Variants in DAB1 observed in about 807,000 individuals in gnomAD.
DAB1 encodes the protein DAB adaptor protein 1.
A neutral mutation model predicts 64.6 loss-of-function variants in DAB1; 15 were observed. The observed-to-expected ratio is 0.23, with a 90% confidence interval of 0.16 to 0.36. The LOEUF (loss-of-function observed/expected upper bound fraction) is 0.36. DAB1 is among the 10% of genes least tolerant of loss of function. The probability of loss-of-function intolerance (pLI) is 1.00; values close to 1 mark genes in which losing one functional copy is unlikely to be tolerated. For synonymous variants in DAB1, 235 were observed against 251.9 expected, an observed-to-expected ratio of 0.93 and a Z score of 0.64; for missense variants, 596 against 706.7, an observed-to-expected ratio of 0.84 and a Z score of 1.78.
chr1:57,564,496 G>A (rs1378438214), intron 7 of DAB1, among the ~76,000 whole-genome samples: 1 of 152,170 alleles, frequency 6.6e-6, no homozygotes, highest in Admixed American at 6.5e-5. Context: ...AGCTAAAGGA[G>A]GAAGTCTGAA....
intron 7 of DAB1, among the ~76,000 whole-genome samples, chr1:57,460,109 G>C (rs1020002451): frequency 6.6e-6 from 1 of 152,166 alleles, no homozygotes; most frequent in South Asian, 2.1e-4. Context: ...AAAGGCTAGA[G>C]AGCACCATTA....
intron 4 of DAB1, among the ~76,000 whole-genome samples, chr1:58,283,131 C>T (rs1426951309): frequency 6.6e-6 from 1 of 151,750 alleles, no homozygotes; most frequent in Non-Finnish European, 1.5e-5. Context: ...TGGAGTCCTT[C>T]CCCACCCCCC....
intron 3 of DAB1, among the ~76,000 whole-genome samples, chr1:58,406,705 A>C (rs1644618042): frequency 1.2e-5 from 1 of 85,516 alleles, no homozygotes; most frequent in Non-Finnish European, 2.5e-5. Context: ...GAACGATAAT[A>C]TCATCCCCCC....
chr1:57,354,661 C>T (rs1678914728), intron 1 of DAB1, among the ~76,000 whole-genome samples: 1 of 152,038 alleles, frequency 6.6e-6, no homozygotes, highest in Non-Finnish European at 1.5e-5. Context: ...GATGGTGTTC[C>T]ACATGGGTCC....
chr1:58,098,970 GAGA>G (rs1162206925), intron 5 of DAB1, among the ~76,000 whole-genome samples: 2 of 152,218 alleles, frequency 1.3e-5, no homozygotes, highest in African/African-American at 4.8e-5. Context: ...GAGCCAGGTG[GAGA>G]AGAAGAGACA....
At chr1:58,276,531 A>G (rs1421618032) in intron 4 of DAB1, among the ~76,000 whole-genome samples, 1 of 152,148 alleles carries the variant, frequency 6.6e-6, no homozygotes, top group African/African-American at 2.4e-5. Flanking sequence ...TGTAAAGCAT[A>G]TGGGGGAGTA....
At chr1:57,692,839 A>G (rs965037938) in intron 6 of DAB1, among the ~76,000 whole-genome samples, 1 of 152,132 alleles carries the variant, frequency 6.6e-6, no homozygotes, top group Admixed American at 6.5e-5. Flanking sequence ...TTTTTACACT[A>G]ACCAGTCAGG....
At chr1:58,151,393 T>C (rs892899555) in intron 4 of DAB1, among the ~76,000 whole-genome samples, 1 of 152,210 alleles carries the variant, frequency 6.6e-6, no homozygotes, top group Non-Finnish European at 1.5e-5. Flanking sequence ...TTCTAACTGG[T>C]GTGAGATGGT....
intron 6 of DAB1, among the ~76,000 whole-genome samples, chr1:57,809,834 T>A (rs1651533869): frequency 6.6e-6 from 1 of 152,334 alleles, no homozygotes; most frequent in East Asian, 1.9e-4. Context: ...ACATGTCAAA[T>A]ATGACTAGAA....
At chr1:57,718,481 G>A (rs1325313257) in intron 6 of DAB1, among the ~76,000 whole-genome samples, 1 of 152,056 alleles carries the variant, frequency 6.6e-6, no homozygotes, top group Admixed American at 6.5e-5. Context: ...CTCTGTTGGT[G>A]TCCAGAAGAA....
At chr1:57,441,355 C>A (rs201564111) in intron 7 of DAB1, among the ~76,000 whole-genome samples, 1 of 111,216 alleles carries the variant, frequency 9.0e-6, no homozygotes, top group Non-Finnish European at 1.9e-5. Context: ...TTCTTTTTTT[C>A]TTTCTTCTTT....
At chr1:57,468,363 G>A (rs968456658) in intron 7 of DAB1, among the ~76,000 whole-genome samples, 1 of 152,138 alleles carries the variant, frequency 6.6e-6, no homozygotes, top group South Asian at 2.1e-4. Flanking sequence ...AACAATTGAC[G>A]GAGTAAGGTT....
At chr1:58,257,367 G>A (rs1368097088) in intron 4 of DAB1, among the ~76,000 whole-genome samples, 1 of 152,232 alleles carries the variant, frequency 6.6e-6, no homozygotes, top group African/African-American at 2.4e-5. Flanking sequence ...AAGACATGAG[G>A]TTGGCCTAAA....
intron 1 of DAB1, among the ~76,000 whole-genome samples, chr1:57,870,260 G>A (rs935386018): frequency 6.6e-6 from 1 of 152,124 alleles, no homozygotes; most frequent in Non-Finnish European, 1.5e-5. Flanking sequence ...TATTTGCTGT[G>A]GAAAACTCTG....
intron 9 of DAB1, among the ~76,000 whole-genome samples, chr1:57,029,900 G>A (rs1245603015): frequency 6.6e-6 from 1 of 152,186 alleles, no homozygotes; most frequent in Admixed American, 6.5e-5. Context: ...ACTTTGGACT[G>A]TGGACTTTTG....
chr1:57,164,196 T>C (rs571350545), intron 2 of DAB1, among the ~76,000 whole-genome samples: 1 of 152,168 alleles, frequency 6.6e-6, no homozygotes, highest in East Asian at 1.9e-4. Flanking sequence ...AGTTTAAATT[T>C]AGTGCCAAAT....
Position 57,471,996 on chromosome 1 carries a change from A to G in DAB1, n.625+177596T>C, listed in dbSNP as rs185616940. ...TGCAGAAGAGAAAATCTAGGATTAC[A>G]GGAGGGGAGAAAGAATGATAGCAGT... On this transcript the variant is annotated intron_variant and non_coding_transcript_variant, in intron 7 of 20. Coordinates refer to the DAB1 transcript ENST00000485760. Among the ~76,000 whole-genome samples the G allele has an allele frequency of 4.6e-5, 7 of 152,350 alleles. No homozygotes were observed. The East Asian group carries it at 9.6e-4, about 21-fold the overall frequency.
At chr1:57,433,603 G>T (rs866067041) in intron 7 of DAB1, among the ~76,000 whole-genome samples, 3 of 152,008 alleles carry the variant, frequency 2.0e-5, no homozygotes, top group African/African-American at 7.2e-5. Flanking sequence ...GGTATGCACA[G>T]GTTTCTTAGA....
chr1:58,426,446 G>A (rs1456366997), intron 3 of DAB1, among the ~76,000 whole-genome samples: 2 of 152,220 alleles, frequency 1.3e-5, no homozygotes, highest in African/African-American at 4.8e-5. Context: ...CATACCAGGT[G>A]TAGGAACCAG....
Sources: allele counts gnomAD v4.1 joint callset (sites outside exome capture counted in the v4.1 genomes callset), GRCh38; gene constraint gnomAD v4.1.1; transcripts MANE v1.5; gene names NCBI Gene and HGNC (gene_info 2026-07-23, HGNC 2026-07-21).